Variants in DHRS1 observed in about 807,000 individuals in gnomAD.
DHRS1 encodes dehydrogenase/reductase 1.
In DHRS1, 34 loss-of-function variants were observed where a neutral mutation model predicts 35.2. The ratio of observed to expected loss-of-function variants is 0.97; its 90% CI spans 0.74 to 1.29. DHRS1 has a LOEUF of 1.29. Among genes scored for constraint, DHRS1 ranks in the 50% most tolerant of loss-of-function variants. DHRS1 has a pLI of 0.00. For synonymous variants in DHRS1, 133 were observed against 160.0 expected (o/e 0.83, Z 1.27); for missense variants, 354 against 403.6 (o/e 0.88, Z 1.05).
chr14:24,290,964 G>A lies in DHRS1; in HGVS notation c.837C>T (p.Ser279=). 6.2e-7 allele frequency: 1 copy of A among 1,614,114 alleles called. No individual in the cohort carries two copies. Among genetic ancestry groups the A allele is most frequent in the Non-Finnish European group, 8.5e-7 (1 of 1,180,014 alleles). ...GRPVQDYLSL[S]SVLSHVSGLG... is the part of the protein sequence containing the mutation. ...GGCCGGACACGTGTGAGAGAACAGA[G>A]CTCAAAGACAAATAGTCTTGGACGG... is the stretch of plus-strand genomic sequence containing the variant. The change falls in exon 9 of 9, where the codon AGC becomes AGT. Residue 279 remains serine, a synonymous_variant. Coordinates refer to ENST00000288111, the MANE Select transcript of DHRS1 (RefSeq NM_001136050.3).
At chr14:24,291,249 A>G (rs776624581) in intron 7 of DHRS1, 30 bp from the exon 8 acceptor site, 9 of 1,608,780 alleles carry the variant, frequency 5.6e-6, no homozygotes, top group Non-Finnish European at 6.8e-6. Flanking sequence ...TGGAGATGGC[A>G]GGCAGGGGAG....
chr14:24,296,773 C>T lies in DHRS1; in HGVS notation c.259G>A (p.Asp87Asn), dbSNP rs1191336070. The T allele has an allele frequency of 6.2e-7, 1 of 1,614,202 alleles. No homozygotes were observed. Among genetic ancestry groups the T allele is most frequent in the Non-Finnish European group, 8.5e-7 (1 of 1,180,028 alleles). Reference protein sequence around the residue: ...QVDREQQGRLDVLVNNAYAGV... With the variant: ...QVDREQQGRLNVLVNNAYAGV... Reference sequence around the variant, plus strand: ...GCATAAGCATTGTTGACCAGCACATCTAGACGCCCTTGCTGTTCCCGATCC... The same window carrying T: ...GCATAAGCATTGTTGACCAGCACATTTAGACGCCCTTGCTGTTCCCGATCC... The change falls in exon 3 of 9, where the codon GAT becomes AAT. Residue 87 changes from aspartate (D) to asparagine (N), a missense_variant. Coordinates refer to ENST00000288111, the MANE Select transcript of DHRS1 (RefSeq NM_001136050.3).
At chr14:24,298,050 T>A (rs531124724) in intron 2 of DHRS1, among the ~76,000 whole-genome samples, 1 of 152,236 alleles carries the variant, frequency 6.6e-6, no homozygotes, top group South Asian at 2.1e-4. Flanking sequence ...CATTTTTAAT[T>A]AAAATTTTTT....
chr14:24,295,591 T>G (rs1297218548), intron 4 of DHRS1, among the ~76,000 whole-genome samples: 1 of 152,216 alleles, frequency 6.6e-6, no homozygotes, highest in African/African-American at 2.4e-5. Context: ...AATCTCTGCT[T>G]CAGGGTCAAA....
At chr14:24,296,670 G>C in intron 3 of DHRS1, 68 bp downstream of exon 3, 1 of 1,613,562 alleles carries the variant, frequency 6.2e-7, no homozygotes, top group Non-Finnish European at 8.5e-7. Context: ...CAATGAGTGG[G>C]GATGAAGATG....
chr14:24,291,310 C>T, intron 7 of DHRS1, 91 bp from the exon 8 acceptor site: 1 of 1,351,706 alleles, frequency 7.4e-7, no homozygotes, highest in Non-Finnish European at 1.1e-6. Flanking sequence ...CTGCTGAGAG[C>T]CCTGGAGCTC....
In DHRS1 at chr14:24,299,665, T is replaced by G; in HGVS notation, c.-109A>C. 2.8e-6 allele frequency: 1 copy of G among 363,328 alleles called. No homozygotes were observed. The highest frequency in any genetic ancestry group is 5.0e-6 in the Non-Finnish European group (1 of 200,562). The allele number at this position is 363,328 out of a possible 1,614,324, so 22.5% of individuals were successfully genotyped here. A position where few individuals can be genotyped will look rare whatever the true frequency, so the allele number is the denominator to read the frequency against. On this transcript the variant is annotated 5_prime_UTR_variant, in exon 1 of 9. Transcript: ENST00000288111. ...TCTCGCCCAGATTGAGCCGGCGACG[T>G]GGAGGCAGTGTTCAAGGATTGATTC...
chr14:24,295,406 A>G (rs2041232749), intron 4 of DHRS1, among the ~76,000 whole-genome samples: 1 of 152,216 alleles, frequency 6.6e-6, no homozygotes. Flanking sequence ...GAAAACAAGT[A>G]GAGTTATAGT....
At chr14:24,298,778 C>T (rs1157808146) in intron 2 of DHRS1, 179 bp downstream of exon 2, 7 of 851,886 alleles carry the variant, frequency 8.2e-6, no homozygotes, top group African/African-American at 1.7e-5. Context: ...ACTCACTTGG[C>T]GGCAAAATTC....
Position 24,299,667 on chromosome 14 carries a change from G to A in DHRS1, c.-111C>T. On this transcript the variant is annotated 5_prime_UTR_variant, in exon 1 of 9. Coordinates refer to ENST00000288111, the MANE Select transcript of DHRS1 (RefSeq NM_001136050.3). ...TCGCCCAGATTGAGCCGGCGACGTG[G>A]AGGCAGTGTTCAAGGATTGATTCTG... 2 of 375,376 alleles carry A rather than the reference G, an allele frequency of 5.3e-6. No individual in the cohort carries two copies. The highest frequency in any genetic ancestry group is 8.1e-5 in the East Asian group (2 of 24,712). 23.3% of individuals were successfully genotyped at this position (375,376 alleles called of 1,614,324 possible). A position where few individuals can be genotyped will look rare whatever the true frequency, so the allele number is the denominator to read the frequency against.
chr14:24,291,679 GTC>G, intron 6 of DHRS1, 54 bp from the exon 7 acceptor site: 1 of 1,539,564 alleles, frequency 6.5e-7, no homozygotes, highest in East Asian at 2.2e-5. Context: ...CACTGCCCAG[GTC>G]TCCTCCCCAT....
intron 5 of DHRS1, 77 bp from the exon 6 acceptor site, chr14:24,292,407 T>G: frequency 6.9e-6 from 11 of 1,585,364 alleles, no homozygotes; most frequent in Non-Finnish European, 9.4e-6. Flanking sequence ...GCTTCTACTG[T>G]GAATGCTCCA....
At chr14:24,298,000 G>A (rs747288756) in intron 2 of DHRS1, among the ~76,000 whole-genome samples, 6 of 152,000 alleles carry the variant, frequency 3.9e-5, no homozygotes, top group Non-Finnish European at 7.4e-5. Context: ...ACATTGAAGT[G>A]ACTGCTTTCT....
At chr14:24,292,974 C>T (rs893305704) in intron 4 of DHRS1, 190 bp from the exon 5 acceptor site, 3 of 589,998 alleles carry the variant, frequency 5.1e-6, no homozygotes, top group African/African-American at 1.9e-5. Flanking sequence ...AAAATAACCA[C>T]TGACAGATGA....
intron 4 of DHRS1, chr14:24,294,247 C>T (rs1195121341): frequency 1.3e-5 from 2 of 152,108 alleles, no homozygotes; most frequent in Non-Finnish European, 2.9e-5. Context: ...GATACACACA[C>T]ATACACACAC....
chr14:24,296,975 ACAAT>A (rs1198765708), intron 2 of DHRS1, 94 bp from the exon 3 acceptor site: 25 of 1,555,108 alleles, frequency 1.6e-5, no homozygotes, highest in African/African-American at 4.1e-5. Context: ...AACTGAGAAG[ACAAT>A]CAATCCTAGG....
chr14:24,291,587 C>A lies in DHRS1; in HGVS notation c.693G>T (p.Leu231Phe), dbSNP rs1329630662. 6.2e-7 allele frequency: 1 copy of A among 1,614,230 alleles called. No individual in the cohort carries two copies. The highest frequency in any genetic ancestry group is 8.5e-7 in the Non-Finnish European group (1 of 1,180,048). ...SAFSSAETTE[L>F]SGKCVVALAT... is the part of the protein sequence containing the mutation. ...CCAAAGCCACCACACATTTGCCACT[C>A]AATTCTGTGGTTTCCGCAGATGAGA... The change falls in exon 7 of 9, where the codon TTG becomes TTT. Residue 231 changes from leucine to phenylalanine, a missense_variant. Transcript: ENST00000288111.
chr14:24,292,913 C>A, intron 4 of DHRS1, 129 bp from the exon 5 acceptor site: 1 of 1,217,508 alleles, frequency 8.2e-7, no homozygotes. Flanking sequence ...GGTGGGTTAG[C>A]GACCTGAGGA....
chr14:24,292,163 C>T (rs771210824), intron 6 of DHRS1, 21 bp downstream of exon 6: 3 of 1,614,048 alleles, frequency 1.9e-6, no homozygotes, highest in South Asian at 2.2e-5. Context: ...TCTCTGCTTC[C>T]TTCGCCCTCC....
Sources: gnomAD v4.1 joint callset for allele counts (sites outside exome capture counted in the v4.1 genomes callset) on GRCh38, gnomAD v4.1.1 for gene constraint, MANE v1.5 for transcripts, NCBI Gene and HGNC (gene_info 2026-07-23, HGNC 2026-07-21) for gene names.